MIPEP: variants seen among roughly 807,000 people sequenced by gnomAD.
The protein encoded by MIPEP is mitochondrial intermediate peptidase.
MIPEP carries 79 observed loss-of-function variants against 90.3 expected under a neutral mutation model. The observed-to-expected ratio is 0.87, with a 90% confidence interval of 0.73 to 1.05. The LOEUF (loss-of-function observed/expected upper bound fraction) is 1.05, where lower values mean the gene tolerates loss of function less well. Ranked by LOEUF, MIPEP falls within the 50% of genes least tolerant of loss-of-function variation. The pLI, the probability that MIPEP is intolerant of heterozygous loss-of-function variation, is 0.00. For missense variants in MIPEP, 940 were observed against 905.6 expected, an observed-to-expected ratio of 1.04 and a Z score of -0.49; for synonymous variants, 334 against 315.8, an observed-to-expected ratio of 1.06 and a Z score of -0.61.
At chr13:23,756,484 CAT>C in intron 18 of MIPEP, 59 bp downstream of exon 18, 4 of 1,530,962 alleles carry the variant, frequency 2.6e-6, no homozygotes, top group Non-Finnish European at 3.6e-6. Context: ...ATGAAAAAAA[CAT>C]ATGGAGAAAA....
In MIPEP at chr13:23,781,177, G is replaced by A. The variant is rs187874830; in HGVS notation, c.1849-20960C>T. Among the ~76,000 whole-genome samples, 335 of 152,200 alleles carry A rather than the reference G, an allele frequency of 2.2e-3. 2 individuals are homozygous for A. The highest frequency in any genetic ancestry group is 7.2e-3 in the African/African-American group (298 of 41,542). The stretch of plus-strand genomic sequence containing the variant: ...TCAGATTCACCAAAGTTGAAATGAC[G>A]GAAAAAATGTTAAGGGCAGCCAGAG... On this transcript the variant is annotated intron_variant, in intron 16 of 18. Coordinates refer to ENST00000382172, the MANE Select transcript of MIPEP (RefSeq NM_005932.4).
chr13:23,733,507 G>T lies in MIPEP; in HGVS notation c.2045-3062C>A, dbSNP rs541615364. ...AGGGTGGTGTGGAGACACAACCCTT[G>T]TCAAGTTTGAGGTGGAAGGGGACAC... On this transcript the variant is annotated intron_variant, in intron 18 of 18. Transcript: ENST00000382172. Among the ~76,000 whole-genome samples the T allele has an allele frequency of 5.3e-5, 8 of 152,296 alleles. No individual in the cohort carries two copies. The East Asian group carries it at 1.4e-3, about 26-fold the overall frequency.
rs188282294 is a variant in MIPEP at position 23,783,492 on chromosome 13, T to C, written c.1848+22458A>G. Among the ~76,000 whole-genome samples the C allele has an allele frequency of 1.2e-3, 177 of 152,256 alleles. 1 individual carries two copies. The highest frequency in any genetic ancestry group is 4.1e-3 in the African/African-American group (171 of 41,550). On this transcript the variant is annotated intron_variant, in intron 16 of 18. Transcript: ENST00000382172. Reference sequence around the variant, plus strand: ...ATTCATGACAAACCCACAGCCAATATCATACTGAATGGGCAAAAACTGGAA... The same window carrying C: ...ATTCATGACAAACCCACAGCCAATACCATACTGAATGGGCAAAAACTGGAA...
intron 14 of MIPEP, among the ~76,000 whole-genome samples, chr13:23,832,035 C>G (rs572593999): frequency 6.6e-6 from 1 of 152,220 alleles, no homozygotes; most frequent in African/African-American, 2.4e-5. Context: ...CCTCCAAAAC[C>G]CATGTTGAAA....
At chr13:23,760,634 C>T (rs1386774227) in intron 16 of MIPEP, 4 of 508,148 alleles carry the variant, frequency 7.9e-6, no homozygotes, top group African/African-American at 5.8e-5. Flanking sequence ...GATCTGCTGA[C>T]ACCTTGGTCT....
intron 3 of MIPEP, among the ~76,000 whole-genome samples, chr13:23,880,657 C>A (rs1871237140): frequency 6.6e-6 from 1 of 152,184 alleles, no homozygotes; most frequent in Non-Finnish European, 1.5e-5. Context: ...CACTTTCAGC[C>A]CTGTCAGCAT....
chr13:23,766,502 A>G (rs568673552), intron 16 of MIPEP, among the ~76,000 whole-genome samples: 2 of 152,342 alleles, frequency 1.3e-5, no homozygotes, highest in Non-Finnish European at 2.9e-5. Flanking sequence ...ATACTCCAGA[A>G]GTGTTTAACG....
At chr13:23,829,441 T>A (rs1868630710) in intron 14 of MIPEP, among the ~76,000 whole-genome samples, 1 of 151,384 alleles carries the variant, frequency 6.6e-6, no homozygotes, top group Non-Finnish European at 1.5e-5. Context: ...AAAAAAAATA[T>A]AAAAACTATT....
intron 14 of MIPEP, 36 bp from the exon 15 acceptor site, chr13:23,809,960 T>C: frequency 7.2e-7 from 1 of 1,383,654 alleles, no homozygotes. Flanking sequence ...GTGAGTAAAC[T>C]GCGTAATAAG....
intron 16 of MIPEP, among the ~76,000 whole-genome samples, chr13:23,793,441 G>C (rs1437540278): frequency 1.3e-5 from 2 of 152,154 alleles, no homozygotes; most frequent in Non-Finnish European, 2.9e-5. Flanking sequence ...TATATATTTT[G>C]ATCTGGGTGG....
intron 10 of MIPEP, among the ~76,000 whole-genome samples, chr13:23,852,435 A>G (rs1371434759): frequency 6.6e-6 from 1 of 152,208 alleles, no homozygotes; most frequent in Non-Finnish European, 1.5e-5. Context: ...GCCAGGTAAC[A>G]ACACTTCTGT....
rs150517344 is a variant in MIPEP, at chr13:23,882,552, A to G, written c.364-765T>C. On this transcript the variant is annotated intron_variant, in intron 2 of 18. Coordinates refer to ENST00000382172, the MANE Select transcript of MIPEP (RefSeq NM_005932.4). ...GCTGCTGCTACTTAAGTCATTAGAC[A>G]TTAAAATGAGTGACAGTTCTTTTTT... Among the ~76,000 whole-genome samples, 149 of 152,354 alleles carry G rather than the reference A, an allele frequency of 9.8e-4. 1 individual carries two copies. Among genetic ancestry groups the G allele is most frequent in the Non-Finnish European group, 1.6e-3 (106 of 68,034 alleles).
intron 16 of MIPEP, among the ~76,000 whole-genome samples, chr13:23,802,704 T>A (rs1375439328): frequency 6.6e-6 from 1 of 152,072 alleles, no homozygotes; most frequent in Non-Finnish European, 1.5e-5. Flanking sequence ...TTTTTAACTT[T>A]AAGATTTTTC....
intron 12 of MIPEP, among the ~76,000 whole-genome samples, chr13:23,838,318 G>T (rs1198750558): frequency 6.6e-6 from 1 of 151,822 alleles, no homozygotes; most frequent in African/African-American, 2.4e-5. Flanking sequence ...TAAATTTTTA[G>T]ATTTTTTTTT....
At chr13:23,799,374 C>A (rs1953007529) in intron 16 of MIPEP, among the ~76,000 whole-genome samples, 1 of 151,942 alleles carries the variant, frequency 6.6e-6, no homozygotes, top group African/African-American at 2.4e-5. Context: ...GTCGCCCAGG[C>A]TGGAGTGCAG....
intron 16 of MIPEP, among the ~76,000 whole-genome samples, chr13:23,790,700 G>C (rs1952889981): frequency 6.6e-6 from 1 of 152,200 alleles, no homozygotes; most frequent in African/African-American, 2.4e-5. Flanking sequence ...GCTCTTAGGG[G>C]CCTCTGGAAG....
intron 10 of MIPEP, among the ~76,000 whole-genome samples, chr13:23,847,474 A>AAAC (rs912890764): frequency 6.6e-5 from 10 of 151,778 alleles, no homozygotes; most frequent in African/African-American, 2.4e-4. Flanking sequence ...TAAAAAAAAA[A>AAAC]AAAAAACCCA....
chr13:23,740,128 C>T (rs1952309954), intron 18 of MIPEP, among the ~76,000 whole-genome samples: 2 of 152,180 alleles, frequency 1.3e-5, no homozygotes, highest in South Asian at 2.1e-4. Context: ...CCATACTACA[C>T]ACAGGACAGG....
intron 1 of MIPEP, chr13:23,888,078 C>G: frequency 2.4e-6 from 1 of 412,624 alleles, no homozygotes; most frequent in Non-Finnish European, 4.7e-6. Context: ...ATTTGAAAAT[C>G]TGCTATCAGT....
Sources: gnomAD v4.1 joint callset for allele counts (sites outside exome capture counted in the v4.1 genomes callset) on GRCh38, gnomAD v4.1.1 for gene constraint, MANE v1.5 for transcripts, NCBI Gene and HGNC (gene_info 2026-07-23, HGNC 2026-07-21) for gene names.